The following PRKAR2B variants were observed in gnomAD, a reference collection of about 807,000 sequenced individuals.
The protein encoded by PRKAR2B is cAMP-dependent protein kinase type II-beta regulatory subunit.
PRKAR2B carries 14 observed loss-of-function variants against 49.9 expected under a neutral mutation model. The ratio of observed to expected loss-of-function variants is 0.28; its 90% CI spans 0.19 to 0.44. The LOEUF is 0.44. PRKAR2B is among the 20% of genes least tolerant of loss of function. PRKAR2B has a pLI of 1.00. For missense variants in PRKAR2B, 393 were observed against 537.9 expected, an observed-to-expected ratio of 0.73 and a Z score of 2.67; for synonymous variants, 196 against 197.7, an observed-to-expected ratio of 0.99 and a Z score of 0.07.
intron 1 of PRKAR2B, among the ~76,000 whole-genome samples, chr7:107,055,113 T>G (rs561526376): frequency 6.6e-6 from 1 of 152,212 alleles, no homozygotes; most frequent in African/African-American, 2.4e-5. Flanking sequence ...GTTTCCAGCT[T>G]CATCCATGTC....
chr7:107,127,979 A>G (rs142277752), intron 3 of PRKAR2B, among the ~76,000 whole-genome samples: 1 of 152,292 alleles, frequency 6.6e-6, no homozygotes, highest in Non-Finnish European at 1.5e-5. Flanking sequence ...TCAGTGCTAT[A>G]TTGATGAATG....
At position 107,145,865 on chromosome 7, in the gene PRKAR2B, G is replaced by A. The variant is rs181565640; in HGVS notation, c.588-443G>A. On this transcript the variant is annotated intron_variant, in intron 5 of 10. Transcript: ENST00000265717. The stretch of plus-strand genomic sequence containing the variant: ...AGTGATTCTCCTGCCTCAGCCTCCC[G>A]AGTAGCTGAGATTATGGGATCCCGC... Among the ~76,000 whole-genome samples the A allele has an allele frequency of 3.2e-3, 481 of 148,204 alleles. 4 individuals are homozygous for A. The highest frequency in any genetic ancestry group is 0.012 in the African/African-American group (468 of 39,710).
chr7:107,044,809 G>A lies in PRKAR2B; in HGVS notation c.-99G>A, dbSNP rs550655408. The A allele has an allele frequency of 1.5e-4, 151 of 992,778 alleles. No individual in the cohort carries two copies. The highest frequency in any genetic ancestry group is 8.7e-4 in the East Asian group (24 of 27,642). The allele number at this position is 992,778 out of a possible 1,614,324, so 61.5% of individuals were successfully genotyped here. A position where few individuals can be genotyped will look rare whatever the true frequency, so the allele number is the denominator to read the frequency against. The stretch of plus-strand genomic sequence containing the variant: ...GCGCCGCGCTCGCAGCCGGTAGCGC[G>A]CCAGCGCCGTAGGCGCTCGCTCGGC... On this transcript the variant is annotated 5_prime_UTR_variant, in exon 1 of 11. Transcript: ENST00000265717.
rs760123694 is a variant in PRKAR2B, at chr7:107,044,914, A to T, written c.7A>T (p.Ile3Phe). Reference sequence around the variant, plus strand: ...CTGCCGCCCCGGAGGCAGGATGAGCATCGAGATCCCGGCGGGACTGACGGA... The same window carrying T: ...CTGCCGCCCCGGAGGCAGGATGAGCTTCGAGATCCCGGCGGGACTGACGGA... Reference protein sequence around the residue: MSIEIPAGLTELL... With the variant: MSFEIPAGLTELL... The change falls in exon 1 of 11, where the codon ATC (isoleucine) becomes TTC (phenylalanine). Residue 3 changes from isoleucine to phenylalanine, a missense_variant. By Grantham distance (21) the Ile-to-Phe change is conservative. Coordinates refer to ENST00000265717, the MANE Select transcript of PRKAR2B (RefSeq NM_002736.3). 2 of 1,596,806 alleles carry T rather than the reference A, an allele frequency of 1.3e-6. No individual in the cohort carries two copies. Among genetic ancestry groups the T allele is most frequent in the Non-Finnish European group, 8.5e-7 (1 of 1,174,394 alleles).
rs1374131293 is a variant in PRKAR2B, at chr7:107,161,507, A to G, written c.*1925A>G. 5.9e-5 allele frequency: 9 copies of G among 152,666 alleles called. No individual in the cohort carries two copies. The highest frequency in any genetic ancestry group is 1.2e-4 in the Non-Finnish European group (8 of 68,042). 9.5% of individuals were successfully genotyped at this position (152,666 alleles called of 1,614,324 possible). A position where few individuals can be genotyped will look rare whatever the true frequency, so the allele number is the denominator to read the frequency against. On this transcript the variant is annotated 3_prime_UTR_variant, in exon 11 of 11. Transcript: ENST00000265717. ...AAAGCACACTTTTATAATAAAATAC[A>G]TGAATTATTGTTTTTCATACTTTTT... is the stretch of plus-strand genomic sequence containing the variant.
At chr7:107,080,152 C>T (rs1006387721) in intron 2 of PRKAR2B, among the ~76,000 whole-genome samples, 17 of 151,880 alleles carry the variant, frequency 1.1e-4, no homozygotes, top group Middle Eastern at 3.2e-3. Context: ...ATCTGTATGC[C>T]GTGGCTCTCG....
intron 1 of PRKAR2B, among the ~76,000 whole-genome samples, chr7:107,055,069 T>TAAAA (rs1364757536): frequency 6.6e-6 from 1 of 152,140 alleles, no homozygotes; most frequent in Non-Finnish European, 1.5e-5. Flanking sequence ...GGTGTTTGGT[T>TAAAA]TTTTGTCCTT....
intron 2 of PRKAR2B, among the ~76,000 whole-genome samples, chr7:107,114,384 C>CT (rs1478139285): frequency 1.4e-5 from 2 of 141,946 alleles, no homozygotes; most frequent in Non-Finnish European, 3.0e-5. Context: ...GTGTTTGAGA[C>CT]TAAGTCTTGC....
chr7:107,058,551 C>T (rs1203306459), intron 1 of PRKAR2B, among the ~76,000 whole-genome samples: 2 of 152,102 alleles, frequency 1.3e-5, no homozygotes, highest in African/African-American at 4.8e-5. Flanking sequence ...TTTGTTTTTA[C>T]ATGAAGTTTG....
At chr7:107,139,739 C>T (rs1220174129) in intron 4 of PRKAR2B, among the ~76,000 whole-genome samples, 1 of 152,216 alleles carries the variant, frequency 6.6e-6, no homozygotes, top group Non-Finnish European at 1.5e-5. Flanking sequence ...TTCATATCTT[C>T]ATATGCCTTG....
chr7:107,083,389 G>A (rs1794552848), intron 2 of PRKAR2B, among the ~76,000 whole-genome samples: 1 of 151,668 alleles, frequency 6.6e-6, no homozygotes, highest in Admixed American at 6.6e-5. Flanking sequence ...TGGTGATGAT[G>A]ACAACAATAC....
intron 4 of PRKAR2B, among the ~76,000 whole-genome samples, chr7:107,136,176 CA>C (rs1795698844): frequency 6.6e-6 from 1 of 152,026 alleles, no homozygotes. Flanking sequence ...AAAATTAACT[CA>C]AAATAGATCA....
chr7:107,078,725 T>C (rs1178773036), intron 2 of PRKAR2B, among the ~76,000 whole-genome samples: 1 of 152,150 alleles, frequency 6.6e-6, no homozygotes, highest in Non-Finnish European at 1.5e-5. Flanking sequence ...ATCTGTGGCA[T>C]TGTTGAGTCT....
chr7:107,050,495 T>C (rs1793780718), intron 1 of PRKAR2B, among the ~76,000 whole-genome samples: 1 of 152,146 alleles, frequency 6.6e-6, no homozygotes, highest in Non-Finnish European at 1.5e-5. Context: ...TTAACAGCTA[T>C]GTTGAAAAAC....
chr7:107,098,605 A>G (rs1039026088), intron 2 of PRKAR2B, among the ~76,000 whole-genome samples: 10 of 152,090 alleles, frequency 6.6e-5, no homozygotes, highest in African/African-American at 2.4e-4. Context: ...TGATTTTTAG[A>G]ATCGTTAGCT....
chr7:107,101,472 T>G (rs1200207131), intron 2 of PRKAR2B, among the ~76,000 whole-genome samples: 1 of 152,202 alleles, frequency 6.6e-6, no homozygotes, highest in Non-Finnish European at 1.5e-5. Flanking sequence ...GCTAGGGCAC[T>G]GCCCAGTTTC....
chr7:107,047,149 A>G (rs139555684), intron 1 of PRKAR2B, among the ~76,000 whole-genome samples: 1 of 152,332 alleles, frequency 6.6e-6, no homozygotes, highest in African/African-American at 2.4e-5. Flanking sequence ...AAGGACTTTA[A>G]AACTTTTTGA....
In PRKAR2B at chr7:107,141,534, C is replaced by A. The variant is rs190595046; in HGVS notation, c.587+581C>A. Among the ~76,000 whole-genome samples the A allele has an allele frequency of 8.9e-3, 1,357 of 151,748 alleles. 57 individuals carry two copies. In the East Asian group the frequency reaches 0.13, roughly 15 times the overall value. On this transcript the variant is annotated intron_variant, in intron 5 of 10. Transcript: ENST00000265717. Reference sequence around the variant, plus strand: ...GGTGAAACCCCGTCTCTACTAAATACAAAAAAAATTAGCCAGGTGTGGTGG... The same window carrying A: ...GGTGAAACCCCGTCTCTACTAAATAAAAAAAAAATTAGCCAGGTGTGGTGG...
intron 3 of PRKAR2B, 39 bp downstream of exon 3, chr7:107,122,043 C>A: frequency 2.2e-6 from 3 of 1,341,612 alleles, no homozygotes; most frequent in Non-Finnish European, 3.1e-6. Flanking sequence ...TAAATTGATG[C>A]CCTTGTCATA....
Sources: gnomAD v4.1 joint callset for allele counts (sites outside exome capture counted in the v4.1 genomes callset) on GRCh38, gnomAD v4.1.1 for gene constraint, MANE v1.5 for transcripts, NCBI Gene and HGNC (gene_info 2026-07-23, HGNC 2026-07-21) for gene names.